The following SORCS2 variants were observed in gnomAD, a reference collection of about 807,000 sequenced individuals.
SORCS2 encodes the protein sortilin related VPS10 domain containing receptor 2, also known as VPS10 domain-containing receptor SorCS2.
In SORCS2, 100 loss-of-function variants were observed where a neutral mutation model predicts 141.6. The observed-to-expected ratio is 0.71, with a 90% CI of 0.60 to 0.83. SORCS2 has a LOEUF of 0.83. SORCS2 is among the 40% of genes least tolerant of loss of function. The probability of loss-of-function intolerance (pLI) is 0.00; values close to 1 mark genes in which losing one functional copy is unlikely to be tolerated. For missense variants in SORCS2, 1,646 were observed against 1,560.2 expected, an observed-to-expected ratio of 1.05 and a Z score of -0.93; for synonymous variants, 789 against 676.9, an observed-to-expected ratio of 1.17 and a Z score of -2.57.
At chr4:7,335,542 T>A (rs1719928896) in intron 1 of SORCS2, among the ~76,000 whole-genome samples, 1 of 152,182 alleles carries the variant, frequency 6.6e-6, no homozygotes, top group Admixed American at 6.5e-5. Context: ...CGAGGCCTCA[T>A]CTGTCGGGGC....
intron 1 of SORCS2, among the ~76,000 whole-genome samples, chr4:7,293,753 G>A (rs911038279): frequency 4.6e-5 from 7 of 152,150 alleles, no homozygotes; most frequent in African/African-American, 1.7e-4. Context: ...GGTGCCCAGC[G>A]ATGTGCAGCT....
At chr4:7,435,660 TAC>T (rs1420613347) in intron 2 of SORCS2, among the ~76,000 whole-genome samples, 2 of 152,246 alleles carry the variant, frequency 1.3e-5, no homozygotes, top group East Asian at 1.9e-4. Flanking sequence ...TTGTTGAAGG[TAC>T]ACACACACAA....
At chr4:7,308,658 C>T (rs1376064337) in intron 1 of SORCS2, among the ~76,000 whole-genome samples, 5 of 152,124 alleles carry the variant, frequency 3.3e-5, no homozygotes, top group Admixed American at 2.6e-4. Flanking sequence ...CCCACAGCTC[C>T]TTGCCCACCC....
At chr4:7,426,918 A>G (rs897745305) in intron 2 of SORCS2, among the ~76,000 whole-genome samples, 1 of 152,156 alleles carries the variant, frequency 6.6e-6, no homozygotes, top group African/African-American at 2.4e-5. Flanking sequence ...GAACCCGGAT[A>G]ACAGTGGGGG....
intron 2 of SORCS2, among the ~76,000 whole-genome samples, chr4:7,452,454 C>T (rs1406074582): frequency 6.6e-6 from 1 of 152,180 alleles, no homozygotes; most frequent in Non-Finnish European, 1.5e-5. Flanking sequence ...GAAGGTTCTT[C>T]TGTTCCCCCT....
intron 1 of SORCS2, among the ~76,000 whole-genome samples, chr4:7,241,873 C>A (rs1712722632): frequency 5.3e-5 from 8 of 152,238 alleles, no homozygotes; most frequent in Admixed American, 5.2e-4. Context: ...GGGATGCTTG[C>A]TCCGCAGGCT....
intron 3 of SORCS2, among the ~76,000 whole-genome samples, chr4:7,602,287 G>A (rs1717752547): frequency 1.3e-5 from 2 of 151,974 alleles, no homozygotes; most frequent in South Asian, 2.1e-4. Flanking sequence ...CGGGGTGGCT[G>A]GCCGGGCGGG....
At chr4:7,733,253 C>T (rs1173193862) in intron 23 of SORCS2, 69 bp from the exon 24 acceptor site, 9 of 1,231,964 alleles carry the variant, frequency 7.3e-6, no homozygotes, top group South Asian at 1.6e-5. Flanking sequence ...AGGAGGACCC[C>T]ATCCCCCTTC....
chr4:7,381,239 T>C (rs1441265019), intron 1 of SORCS2, among the ~76,000 whole-genome samples: 1 of 152,232 alleles, frequency 6.6e-6, no homozygotes, highest in Middle Eastern at 3.2e-3. Context: ...CAGTGACTCC[T>C]GGCTCTCTTT....
At chr4:7,653,455 C>T (rs948258947) in intron 4 of SORCS2, among the ~76,000 whole-genome samples, 28 of 152,098 alleles carry the variant, frequency 1.8e-4, no homozygotes, top group African/African-American at 6.0e-4. Flanking sequence ...GTTGGTCAGG[C>T]TGGTCTCGAA....
chr4:7,462,072 G>T (rs1729348409), intron 2 of SORCS2, among the ~76,000 whole-genome samples: 1 of 152,230 alleles, frequency 6.6e-6, no homozygotes, highest in South Asian at 2.1e-4. Context: ...GTGCAAGTGA[G>T]TGTAAGGGAG....
At chr4:7,620,832 T>C (rs1031093268) in intron 3 of SORCS2, among the ~76,000 whole-genome samples, 1 of 152,176 alleles carries the variant, frequency 6.6e-6, no homozygotes. Context: ...TCCCCTGCAC[T>C]CAGGGCATTG....
intron 8 of SORCS2, among the ~76,000 whole-genome samples, chr4:7,675,301 C>A (rs753934264): frequency 1.3e-5 from 2 of 152,228 alleles, no homozygotes; most frequent in Non-Finnish European, 2.9e-5. Context: ...CCTGGCTGCC[C>A]TTCAACCTCT....
chr4:7,696,784 C>G (rs776863975), intron 11 of SORCS2, among the ~76,000 whole-genome samples: 1 of 152,258 alleles, frequency 6.6e-6, no homozygotes, highest in Non-Finnish European at 1.5e-5. Flanking sequence ...GCACCCGGTG[C>G]CCAGGAGCTG....
At chr4:7,448,256 G>T (rs555647610) in intron 2 of SORCS2, among the ~76,000 whole-genome samples, 137 of 152,212 alleles carry the variant, frequency 9.0e-4, no homozygotes, top group African/African-American at 3.1e-3. Flanking sequence ...GAACTGCGGC[G>T]CAGGGCAAGG....
intron 1 of SORCS2, among the ~76,000 whole-genome samples, chr4:7,323,254 G>A (rs995162481): frequency 2.6e-5 from 4 of 152,218 alleles, no homozygotes; most frequent in Admixed American, 2.6e-4. Flanking sequence ...TGTAAGATGA[G>A]GAGCATCCTA....
chr4:7,285,038 T>A (rs56209845), intron 1 of SORCS2, among the ~76,000 whole-genome samples: 2,221 of 34,352 alleles, frequency 0.065, 15 homozygotes, highest in South Asian at 0.12. Context: ...ATATATATAT[T>A]TTTTTTTTTT....
At chr4:7,444,600 A>G (rs570596478) in intron 2 of SORCS2, among the ~76,000 whole-genome samples, 2 of 152,330 alleles carry the variant, frequency 1.3e-5, no homozygotes, top group Non-Finnish European at 2.9e-5. Context: ...GGGATCATGT[A>G]GGTGGACTCT....
At chr4:7,403,997 A>ATATATATATTTT (rs1265288820) in intron 2 of SORCS2, among the ~76,000 whole-genome samples, 8 of 18,962 alleles carry the variant, frequency 4.2e-4, no homozygotes, top group East Asian at 2.5e-3. Context: ...ATATATATAT[A>ATATATATATTTT]TTTTTTTTTT....
Sources: gnomAD v4.1 joint callset for allele counts (sites outside exome capture counted in the v4.1 genomes callset) on GRCh38, gnomAD v4.1.1 for gene constraint, MANE v1.5 for transcripts, NCBI Gene and HGNC (gene_info 2026-07-23, HGNC 2026-07-21) for gene names.